CATSPERT: variants seen among roughly 807,000 people sequenced by gnomAD.
CATSPERT encodes cation channel sperm-associated targeting subunit tau.
At chr2:201,540,057 G>A in the CATSPERT span, among the ~76,000 whole-genome samples, 1 of 152,164 alleles carries the variant, frequency 6.6e-6, no homozygotes, top group Non-Finnish European at 1.5e-5. Flanking sequence ...GCCACAAACA[G>A]TCCCTTAAGC....
the CATSPERT span, among the ~76,000 whole-genome samples, chr2:201,489,278 A>G: frequency 3.3e-5 from 5 of 152,242 alleles, no homozygotes; most frequent in African/African-American, 1.2e-4. Context: ...ATCATTTAAC[A>G]TAAACACAAT....
At chr2:201,591,751 T>C in the CATSPERT span, among the ~76,000 whole-genome samples, 2 of 151,996 alleles carry the variant, frequency 1.3e-5, no homozygotes, top group Non-Finnish European at 2.9e-5. Context: ...GAAGCAATTG[T>C]GAATGGGAGT....
chr2:201,599,975 A>AAAC, the CATSPERT span, among the ~76,000 whole-genome samples: 6 of 152,178 alleles, frequency 3.9e-5, no homozygotes, highest in African/African-American at 1.2e-4. Context: ...ACAAACAAAC[A>AAAC]AACAACAACA....
chr2:201,502,106 G>T, the CATSPERT span, among the ~76,000 whole-genome samples: 5 of 152,152 alleles, frequency 3.3e-5, no homozygotes, highest in Non-Finnish European at 7.3e-5. Flanking sequence ...TGGGAACTAG[G>T]CTTCTGCTGC....
At chr2:201,596,659 A>G in the CATSPERT span, among the ~76,000 whole-genome samples, 6 of 152,046 alleles carry the variant, frequency 3.9e-5, no homozygotes, top group Non-Finnish European at 7.4e-5. Flanking sequence ...AGTTTCTTAC[A>G]TTTTTCCATT....
chr2:201,501,036 C>T, the CATSPERT span, among the ~76,000 whole-genome samples: 2 of 151,936 alleles, frequency 1.3e-5, no homozygotes, highest in African/African-American at 4.8e-5. Context: ...CATACCAAAA[C>T]TTATGGGACA....
chr2:201,498,255 C>G, the CATSPERT span, among the ~76,000 whole-genome samples: 1 of 152,180 alleles, frequency 6.6e-6, no homozygotes, highest in Non-Finnish European at 1.5e-5. Context: ...AGACTCAAAA[C>G]CAGGGGAGCC....
the CATSPERT span, among the ~76,000 whole-genome samples, chr2:201,569,697 G>A: frequency 6.6e-6 from 1 of 152,234 alleles, no homozygotes; most frequent in East Asian, 1.9e-4. Flanking sequence ...CTCCCAGGAT[G>A]GGTGAGTCAA....
At chr2:201,507,204 A>G in the CATSPERT span, among the ~76,000 whole-genome samples, 10 of 152,250 alleles carry the variant, frequency 6.6e-5, no homozygotes, top group African/African-American at 2.2e-4. Context: ...ACAAATATAT[A>G]CACGGTATTA....
chr2:201,532,322 C>T, the CATSPERT span, among the ~76,000 whole-genome samples: 1 of 152,038 alleles, frequency 6.6e-6, no homozygotes, highest in African/African-American at 2.4e-5. Context: ...GAAATAATGC[C>T]TGGAATGTTT....
the CATSPERT span, among the ~76,000 whole-genome samples, chr2:201,560,749 G>A: frequency 2.0e-5 from 3 of 151,814 alleles, no homozygotes; most frequent in Admixed American, 6.6e-5. Flanking sequence ...ATGAGAATGC[G>A]CTGACCAACA....
At chr2:201,526,369 T>G in the CATSPERT span, among the ~76,000 whole-genome samples, 3 of 151,870 alleles carry the variant, frequency 2.0e-5, no homozygotes, top group Non-Finnish European at 4.4e-5. Context: ...AATACAAAAA[T>G]TAGGCGGGTG....
At chr2:201,570,549 T>C in the CATSPERT span, among the ~76,000 whole-genome samples, 1 of 152,182 alleles carries the variant, frequency 6.6e-6, no homozygotes, top group Non-Finnish European at 1.5e-5. Flanking sequence ...GTAACTCAAT[T>C]GGGTAGTTTT....
chr2:201,558,019 C>T, the CATSPERT span: 3 of 152,182 alleles, frequency 2.0e-5, no homozygotes, highest in Admixed American at 2.0e-4. Flanking sequence ...TTCTTACAGG[C>T]TTCTACCCCA....
chr2:201,493,622 T>C, the CATSPERT span: 1 of 1,537,290 alleles, frequency 6.5e-7, no homozygotes, highest in Admixed American at 2.0e-5. Context: ...TGAAATAGAA[T>C]ATGTGATGAC....
chr2:201,599,123 TG>T, the CATSPERT span, among the ~76,000 whole-genome samples: 37 of 152,248 alleles, frequency 2.4e-4, 1 homozygote, highest in South Asian at 7.5e-3. Flanking sequence ...TGGCCCTCAG[TG>T]GTGTGTCATG....
chr2:201,599,088 C>T, the CATSPERT span, among the ~76,000 whole-genome samples: 7 of 152,126 alleles, frequency 4.6e-5, no homozygotes, highest in Admixed American at 6.5e-5. Context: ...TCCTCTGCCT[C>T]CTGACCATTC....
At chr2:201,617,154 A>G in the CATSPERT span, among the ~76,000 whole-genome samples, 1 of 152,222 alleles carries the variant, frequency 6.6e-6, no homozygotes, top group African/African-American at 2.4e-5. Flanking sequence ...TATAGATTCA[A>G]TGCCATCCCC....
At chr2:201,549,694 A>C in the CATSPERT span, 1 of 152,158 alleles carries the variant, frequency 6.6e-6, no homozygotes, top group Non-Finnish European at 1.5e-5. Flanking sequence ...GAAGAACTAC[A>C]CTTACAAAAT....
Sources: allele counts gnomAD v4.1 joint callset (sites outside exome capture counted in the v4.1 genomes callset), GRCh38; gene constraint gnomAD v4.1.1; transcripts MANE v1.5; gene names NCBI Gene and HGNC (gene_info 2026-07-23, HGNC 2026-07-21).